Variants in ADAMTS2 observed in about 807,000 individuals in gnomAD.
The protein encoded by ADAMTS2 is A disintegrin and metalloproteinase with thrombospondin motifs 2.
ADAMTS2 carries 50 observed loss-of-function variants against 123.0 expected under a neutral mutation model. The ratio of observed to expected loss-of-function variants is 0.41; its 90% CI spans 0.32 to 0.51. The LOEUF is 0.51. ADAMTS2 is among the 20% of genes least tolerant of loss of function. The probability of loss-of-function intolerance (pLI) is 0.35; values close to 1 mark genes in which losing one functional copy is unlikely to be tolerated. For missense variants in ADAMTS2, 1,494 were observed against 1,705.2 expected, an observed-to-expected ratio of 0.88 and a Z score of 2.18; for synonymous variants, 678 against 695.4, an observed-to-expected ratio of 0.98 and a Z score of 0.39.
In ADAMTS2 at chr5:179,188,393, G is replaced by A. The variant is rs61169962; in HGVS notation, c.892-7238C>T. ...CCAGGATGGAGGCAGAGAAGAGAGTGCAGCCAGGAGCAGGGGACAGAGGTC... is the reference window on the plus strand; with the variant it reads ...CCAGGATGGAGGCAGAGAAGAGAGTACAGCCAGGAGCAGGGGACAGAGGTC... On this transcript the variant is annotated intron_variant, in intron 4 of 21. Transcript: ENST00000251582. This position sits in a 1 kb window ranked among gnomAD's most constrained non-coding sequence, Gnocchi z 5.1. Among the ~76,000 whole-genome samples, 3,516 of 152,268 alleles carry A rather than the reference G, an allele frequency of 0.023. 148 individuals are homozygous for A. The highest frequency in any genetic ancestry group is 0.079 in the African/African-American group (3,279 of 41,524).
At chr5:179,204,673 C>T (rs552552262) in intron 4 of ADAMTS2, among the ~76,000 whole-genome samples, 6 of 152,364 alleles carry the variant, frequency 3.9e-5, no homozygotes, top group South Asian at 2.1e-4. Context: ...TCAGTGAGGA[C>T]GCAGGGCATT....
At chr5:179,145,894 C>A (rs1393429750) in intron 10 of ADAMTS2, among the ~76,000 whole-genome samples, 2 of 152,196 alleles carry the variant, frequency 1.3e-5, no homozygotes, top group Non-Finnish European at 2.9e-5. Context: ...CTCTTGTTGT[C>A]CCGGCTGGAG....
At chr5:179,275,906 TGAG>T (rs958191536) in intron 2 of ADAMTS2, among the ~76,000 whole-genome samples, 6 of 152,292 alleles carry the variant, frequency 3.9e-5, no homozygotes, top group Middle Eastern at 3.4e-3. Context: ...CCGAGGGGCA[TGAG>T]AAGAAGGGCA....
chr5:179,343,491 AG>A (rs139128444), intron 2 of ADAMTS2, among the ~76,000 whole-genome samples: 30 of 152,350 alleles, frequency 2.0e-4, no homozygotes, highest in African/African-American at 6.7e-4. Context: ...AGACCTGTTC[AG>A]GCAGGCAAAA....
At chr5:179,230,040 A>G (rs1224970059) in intron 3 of ADAMTS2, among the ~76,000 whole-genome samples, 1 of 152,218 alleles carries the variant, frequency 6.6e-6, no homozygotes, top group East Asian at 1.9e-4. Flanking sequence ...TAAGCCTCTC[A>G]TGGAAATCTG....
chr5:179,121,394 C>G (rs1257682594), intron 21 of ADAMTS2: 2 of 290,318 alleles, frequency 6.9e-6, no homozygotes, highest in Non-Finnish European at 6.4e-6. Context: ...ACCGGCCCCT[C>G]CTGCAACCAC....
chr5:179,255,773 A>C (rs1766033988), intron 3 of ADAMTS2, among the ~76,000 whole-genome samples: 1 of 152,162 alleles, frequency 6.6e-6, no homozygotes, highest in Admixed American at 6.5e-5. Flanking sequence ...CACGGCACAG[A>C]CACTGATGGC....
rs976122196 is a variant in ADAMTS2, at chr5:179,189,993, G to T, written c.892-8838C>A. ...TCAATTGATTGATCAGCTAGGGTGG[G>T]GCAGGAACAGATCACAATGGTGGAA... On this transcript the variant is annotated intron_variant, in intron 4 of 21. Transcript: ENST00000251582. This position sits in a 1 kb window ranked among gnomAD's most constrained non-coding sequence, Gnocchi z 4.2. Among the ~76,000 whole-genome samples the T allele has an allele frequency of 3.9e-5, 6 of 152,126 alleles. No homozygotes were observed. Among genetic ancestry groups the T allele is most frequent in the Admixed American group, 6.5e-5 (1 of 15,274 alleles).
chr5:179,291,459 A>C (rs1418551689), intron 2 of ADAMTS2, among the ~76,000 whole-genome samples: 1 of 151,912 alleles, frequency 6.6e-6, no homozygotes, highest in Non-Finnish European at 1.5e-5. Context: ...CAATGCCACG[A>C]CCCTTCCCGT....
intron 2 of ADAMTS2, among the ~76,000 whole-genome samples, chr5:179,329,138 T>A (rs377848): frequency 2.0e-5 from 3 of 151,500 alleles, no homozygotes; most frequent in South Asian, 4.2e-4. Context: ...CCATCCTGGC[T>A]AACACGGTGA....
chr5:179,163,911 G>C (rs1022351926), intron 5 of ADAMTS2, among the ~76,000 whole-genome samples: 48 of 152,302 alleles, frequency 3.2e-4, no homozygotes, highest in East Asian at 2.3e-3. Context: ...CCCTGAGGAG[G>C]GGGCAGAGGG....
chr5:179,335,817 C>T (rs1053440552), intron 2 of ADAMTS2, among the ~76,000 whole-genome samples: 3 of 152,166 alleles, frequency 2.0e-5, no homozygotes, highest in African/African-American at 7.2e-5. Flanking sequence ...CAAACAGCCG[C>T]GTGGGAGGGA....
chr5:179,152,180 C>A lies in ADAMTS2; in HGVS notation c.1591G>T (p.Gly531Trp). ...CACATAGTCCCGTCCAAGGGGGGCCCCTTCTTGGTCTTGCAAAAGTAGGGG... is the reference window on the plus strand; with the variant it reads ...CACATAGTCCCGTCCAAGGGGGGCCACTTCTTGGTCTTGCAAAAGTAGGGG... The part of the protein sequence containing the change: ...DNPYFCKTKK[G>W]PPLDGTMCAP... The change falls in exon 10 of 22, where the codon GGG (glycine) becomes TGG (tryptophan). Residue 531 changes from glycine (G) to tryptophan (W), a missense_variant. Transcript: ENST00000251582. 6.2e-7 allele frequency: 1 copy of A among 1,614,042 alleles called. No homozygotes were observed. Among genetic ancestry groups the A allele is most frequent in the Non-Finnish European group, 8.5e-7 (1 of 1,179,948 alleles).
chr5:179,314,952 G>A lies in ADAMTS2; in HGVS notation c.534+28815C>T, dbSNP rs755600227. On this transcript the variant is annotated intron_variant, in intron 2 of 21. Coordinates refer to ENST00000251582, the MANE Select transcript of ADAMTS2 (RefSeq NM_014244.5). The surrounding 1 kb of genome is among the most constrained non-coding windows in gnomAD (Gnocchi z 4.5). ...CTGACATTAAGCGACTCCCCTCCCA[G>A]AGCCTAATCACAGCCAGCTACGCCC... 6.6e-6 allele frequency among the ~76,000 whole-genome samples: 1 copy of A among 152,192 alleles called. No individual in the cohort carries two copies. The highest frequency in any genetic ancestry group is 2.4e-5 in the African/African-American group (1 of 41,514).
chr5:179,151,408 G>T (rs995542491), intron 10 of ADAMTS2, among the ~76,000 whole-genome samples: 5 of 152,178 alleles, frequency 3.3e-5, no homozygotes, highest in African/African-American at 9.7e-5. Flanking sequence ...GGAGCCACAG[G>T]TCCATACAGT....
At chr5:179,224,969 A>G (rs891909420) in intron 3 of ADAMTS2, among the ~76,000 whole-genome samples, 1 of 152,104 alleles carries the variant, frequency 6.6e-6, no homozygotes, top group African/African-American at 2.4e-5. Context: ...GAGTGAGTCC[A>G]CCTGCCTCTG....
At chr5:179,161,361 T>A (rs1763588826) in intron 5 of ADAMTS2, among the ~76,000 whole-genome samples, 2 of 152,170 alleles carry the variant, frequency 1.3e-5, no homozygotes, top group African/African-American at 4.8e-5. Flanking sequence ...GCCTTGTGGT[T>A]GGTTGTACTC....
chr5:179,187,370 C>T (rs1188422572), intron 4 of ADAMTS2, among the ~76,000 whole-genome samples: 4 of 152,262 alleles, frequency 2.6e-5, no homozygotes, highest in Non-Finnish European at 5.9e-5. Context: ...GCTAGCCCGG[C>T]TGCTCCTTGC....
chr5:179,266,460 G>C (rs1766374904), intron 3 of ADAMTS2, among the ~76,000 whole-genome samples: 1 of 152,188 alleles, frequency 6.6e-6, no homozygotes. Context: ...ACAAGCCAAG[G>C]AACGCCAACA....
Sources: gnomAD v4.1 joint callset for allele counts (sites outside exome capture counted in the v4.1 genomes callset) on GRCh38, gnomAD v4.1.1 for gene constraint, Gnocchi (gnomAD v3.1) non-coding constraint, MANE v1.5 for transcripts, NCBI Gene and HGNC (gene_info 2026-07-23, HGNC 2026-07-21) for gene names.